Variants in SESTD1 observed in about 807,000 individuals in gnomAD.
The protein encoded by SESTD1 is SEC14 and spectrin domain containing 1.
SESTD1 carries 43 observed loss-of-function variants against 101.7 expected under a neutral mutation model. The ratio of observed to expected loss-of-function variants is 0.42; its 90% CI spans 0.33 to 0.55. The LOEUF (loss-of-function observed/expected upper bound fraction) is 0.55. SESTD1 is among the 20% of genes least tolerant of loss of function. The pLI, the probability that SESTD1 is intolerant of heterozygous loss-of-function variation, is 0.07. For synonymous variants in SESTD1, 283 were observed against 286.8 expected, an observed-to-expected ratio of 0.99 and a Z score of 0.13; for missense variants, 647 against 815.1, an observed-to-expected ratio of 0.79 and a Z score of 2.51.
intron 7 of SESTD1, among the ~76,000 whole-genome samples, chr2:179,148,105 T>C (rs1423428166): frequency 1.3e-5 from 2 of 152,238 alleles, no homozygotes; most frequent in African/African-American, 4.8e-5. Context: ...GTTTTCACAG[T>C]TTGACTTTGT....
rs1321064236 is a variant in SESTD1, at chr2:179,203,908, A to G, written c.-25-12042T>C. ...ATAGCAAGATCCCTGTCTATAAAAA[A>G]TAAAAAGAAACAAATAAATAAAGTG... On this transcript the variant is annotated intron_variant, in intron 1 of 17. Coordinates refer to ENST00000428443, the MANE Select transcript of SESTD1 (RefSeq NM_178123.5). 1.5e-5 allele frequency among the ~76,000 whole-genome samples: 2 copies of G among 134,464 alleles called. 1 individual carries two copies. Among genetic ancestry groups the G allele is most frequent in the East Asian group, 4.0e-4 (2 of 5,016 alleles). 88.2% of individuals were successfully genotyped at this position (134,464 alleles called of 152,430 possible). A position where few individuals can be genotyped will look rare whatever the true frequency, so the allele number is the denominator to read the frequency against.
At chr2:179,221,744 C>T (rs539541369) in intron 1 of SESTD1, among the ~76,000 whole-genome samples, 1 of 151,438 alleles carries the variant, frequency 6.6e-6, no homozygotes, top group Non-Finnish European at 1.5e-5. Context: ...ACAGTGTGAC[C>T]CCATCTCCAC....
At chr2:179,209,365 C>T (rs2046624261) in intron 1 of SESTD1, among the ~76,000 whole-genome samples, 1 of 134,548 alleles carries the variant, frequency 7.4e-6, no homozygotes, top group Non-Finnish European at 1.6e-5. Flanking sequence ...CACCCTAGAA[C>T]AAATGGACTT....
At chr2:179,196,656 C>A (rs1016496869) in intron 1 of SESTD1, among the ~76,000 whole-genome samples, 1 of 152,166 alleles carries the variant, frequency 6.6e-6, no homozygotes, top group East Asian at 1.9e-4. Context: ...GACCCCTGAC[C>A]CCCGAGCAGC....
Position 179,244,650 on chromosome 2 carries a change from C to T in SESTD1, c.-26+19849G>A, listed in dbSNP as rs183776223. ...GCAAAACTTTTTCCAACATACATAC[C>T]TCAAAAGAATGGCTAAAAGAAATTT... On this transcript the variant is annotated intron_variant, in intron 1 of 17. Transcript: ENST00000428443. Among the ~76,000 whole-genome samples, 180 of 152,092 alleles carry T rather than the reference C, an allele frequency of 1.2e-3. 1 individual carries two copies. The highest frequency in any genetic ancestry group is 9.8e-3 in the South Asian group (47 of 4,814).
chr2:179,150,349 T>C (rs1461814338), intron 6 of SESTD1, among the ~76,000 whole-genome samples: 1 of 143,164 alleles, frequency 7.0e-6, no homozygotes, highest in Non-Finnish European at 1.5e-5. Context: ...AGTAGTTCAA[T>C]AAAAAAAAAA....
At chr2:179,142,888 T>C (rs1377573129) in intron 9 of SESTD1, among the ~76,000 whole-genome samples, 1 of 152,190 alleles carries the variant, frequency 6.6e-6, no homozygotes, top group Non-Finnish European at 1.5e-5. Flanking sequence ...GTAAAAAACC[T>C]AGCACAATGC....
At chr2:179,155,953 T>C (rs1289416480) in intron 5 of SESTD1, among the ~76,000 whole-genome samples, 1 of 152,134 alleles carries the variant, frequency 6.6e-6, no homozygotes, top group East Asian at 1.9e-4. Context: ...TGTGTCCTCA[T>C]AGCTTAGCTC....
At chr2:179,128,278 T>C (rs1231669194) in intron 10 of SESTD1, among the ~76,000 whole-genome samples, 1 of 152,202 alleles carries the variant, frequency 6.6e-6, no homozygotes, top group Non-Finnish European at 1.5e-5. Context: ...TGAGGACTAG[T>C]ATGTCTCAAG....
At chr2:179,146,658 G>A (rs946485535) in intron 7 of SESTD1, among the ~76,000 whole-genome samples, 5 of 152,014 alleles carry the variant, frequency 3.3e-5, no homozygotes, top group South Asian at 4.1e-4. Context: ...AAATACCAAC[G>A]TAATAAATCA....
intron 4 of SESTD1, 140 bp downstream of exon 4, chr2:179,176,308 T>G (rs533700704): frequency 2.5e-5 from 16 of 642,952 alleles, no homozygotes; most frequent in East Asian, 1.9e-4. Context: ...AACAATCCAA[T>G]AGTGATAAGT....
At chr2:179,146,311 C>G in intron 8 of SESTD1, 91 bp downstream of exon 8, 1 of 1,222,542 alleles carries the variant, frequency 8.2e-7, no homozygotes, top group Non-Finnish European at 1.2e-6. Context: ...TCCACATGTA[C>G]CACATTCATG....
intron 9 of SESTD1, among the ~76,000 whole-genome samples, chr2:179,134,932 GTTTT>G (rs1219391723): frequency 1.3e-5 from 2 of 151,876 alleles, no homozygotes; most frequent in Non-Finnish European, 2.9e-5. Context: ...CAAACTATTG[GTTTT>G]TTTGTTGTTG....
intron 1 of SESTD1, among the ~76,000 whole-genome samples, chr2:179,249,577 TC>T (rs1253170285): frequency 6.6e-5 from 10 of 152,208 alleles, no homozygotes; most frequent in Admixed American, 6.5e-4. Context: ...TAGAAACGTG[TC>T]AATTCTCTCT....
intron 5 of SESTD1, among the ~76,000 whole-genome samples, chr2:179,159,065 C>A (rs912640102): frequency 6.6e-6 from 1 of 152,124 alleles, no homozygotes; most frequent in Non-Finnish European, 1.5e-5. Context: ...TAGAAACATT[C>A]TTTTAGAAAA....
In SESTD1 at chr2:179,211,333, A is replaced by AC. The variant is rs1348358832; in HGVS notation, c.-25-19468_-25-19467insG. On this transcript the variant is annotated intron_variant, in intron 1 of 17. Coordinates refer to ENST00000428443, the MANE Select transcript of SESTD1 (RefSeq NM_178123.5). ...ATCCTAAAATTCATATGGAACAACA[A>AC]AAAAAAGAGCCTGCATAGCCAAAGA... 4.5e-5 allele frequency among the ~76,000 whole-genome samples: 6 copies of AC among 133,672 alleles called. 3 individuals carry two copies. Among genetic ancestry groups the AC allele is most frequent in the African/African-American group, 1.8e-4 (6 of 33,698 alleles). The allele number at this position is 133,672 out of a possible 152,430, so 87.7% of individuals were successfully genotyped here. A position where few individuals can be genotyped will look rare whatever the true frequency, so the allele number is the denominator to read the frequency against.
At chr2:179,181,037 A>G (rs2046098323) in intron 3 of SESTD1, among the ~76,000 whole-genome samples, 1 of 152,212 alleles carries the variant, frequency 6.6e-6, no homozygotes, top group Non-Finnish European at 1.5e-5. Flanking sequence ...ATCTTGCTTC[A>G]ACTTACACCT....
At chr2:179,237,018 T>C (rs969672171) in intron 1 of SESTD1, among the ~76,000 whole-genome samples, 3 of 151,992 alleles carry the variant, frequency 2.0e-5, no homozygotes, top group Non-Finnish European at 4.4e-5. Flanking sequence ...ATTTTCTTGA[T>C]CTAAAACCAA....
At chr2:179,177,469 T>A (rs185280938) in intron 3 of SESTD1, among the ~76,000 whole-genome samples, 1 of 152,242 alleles carries the variant, frequency 6.6e-6, no homozygotes, top group African/African-American at 2.4e-5. Flanking sequence ...TAAACAGACC[T>A]TTTCCTGGGA....
Sources: allele counts gnomAD v4.1 joint callset (sites outside exome capture counted in the v4.1 genomes callset), GRCh38; gene constraint gnomAD v4.1.1; transcripts MANE v1.5; gene names NCBI Gene and HGNC (gene_info 2026-07-23, HGNC 2026-07-21).